Variants in GPD2 observed in about 807,000 individuals in gnomAD.
GPD2 encodes glycerol-3-phosphate dehydrogenase 2.
In GPD2, 54 loss-of-function variants were observed where a neutral mutation model predicts 82.4. The observed-to-expected ratio is 0.66, with a 90% CI of 0.53 to 0.82. The LOEUF (loss-of-function observed/expected upper bound fraction) is 0.82. Ranked by LOEUF, GPD2 falls within the 40% of genes least tolerant of loss-of-function variation. The probability of loss-of-function intolerance (pLI) is 0.00; values close to 1 mark genes in which losing one functional copy is unlikely to be tolerated. For missense variants in GPD2, 748 were observed against 896.2 expected (o/e 0.83, Z 2.11); for synonymous variants, 288 against 306.1 (o/e 0.94, Z 0.62).
intron 1 of GPD2, among the ~76,000 whole-genome samples, chr2:156,451,530 A>C (rs1396331994): frequency 3.8e-4 from 23 of 60,032 alleles, no homozygotes; most frequent in African/African-American, 4.5e-4. Context: ...TGACCCCCCC[A>C]CCTCCCTCCC....
the GPD2 span, among the ~76,000 whole-genome samples, chr2:156,422,756 A>C: frequency 0.022 from 3,379 of 152,078 alleles, 70 homozygotes; most frequent in Non-Finnish European, 0.032. Context: ...AACAAACAAA[A>C]AAAAACTATG....
intron 6 of GPD2, among the ~76,000 whole-genome samples, chr2:156,534,307 A>G (rs543995908): frequency 5.0e-4 from 76 of 152,204 alleles, no homozygotes; most frequent in Admixed American, 2.1e-3. Context: ...TTATCTGCTC[A>G]TCTGCTCGAG....
At chr2:156,408,763 G>A in the GPD2 span, among the ~76,000 whole-genome samples, 2 of 151,170 alleles carry the variant, frequency 1.3e-5, no homozygotes, top group African/African-American at 4.9e-5. Context: ...GCCAGCTCCT[G>A]AAGGATCTTG....
At chr2:156,433,003 T>G (rs1046838047), upstream of GPD2, among the ~76,000 whole-genome samples, 4 of 152,172 alleles carry the variant, frequency 2.6e-5, no homozygotes, top group Non-Finnish European at 5.9e-5. Flanking sequence ...AGGAATCACG[T>G]CCAGTGCTCC....
chr2:156,552,014 A>G (rs1294973295), intron 8 of GPD2, among the ~76,000 whole-genome samples: 4 of 152,330 alleles, frequency 2.6e-5, no homozygotes, highest in African/African-American at 9.6e-5. Context: ...CTAGAATGCT[A>G]TCCTGCTATG....
At position 156,582,929 on chromosome 2, in the gene GPD2, T is replaced by C. The variant is rs1688082660; in HGVS notation, c.*11T>C. ...TGTGGAGGATTGTGAGTCTGGGCAG[T>C]AAATCCACAGCCAACAAACATAGAA... On this transcript the variant is annotated 3_prime_UTR_variant, in exon 17 of 17. Coordinates refer to ENST00000438166, the MANE Select transcript of GPD2 (RefSeq NM_000408.5). 1.2e-6 allele frequency: 2 copies of C among 1,611,814 alleles called. No homozygotes were observed. Among genetic ancestry groups the C allele is most frequent in the Admixed American group, 1.7e-5 (1 of 59,874 alleles).
At chr2:156,477,400 T>G (rs1276381311) in intron 2 of GPD2, among the ~76,000 whole-genome samples, 6 of 152,108 alleles carry the variant, frequency 3.9e-5, no homozygotes, top group African/African-American at 1.4e-4. Context: ...CCACTGTACT[T>G]CAGCCTGGGT....
At chr2:156,545,196 C>T (rs928397022) in intron 6 of GPD2, among the ~76,000 whole-genome samples, 11 of 152,076 alleles carry the variant, frequency 7.2e-5, no homozygotes, top group Admixed American at 7.2e-4. Flanking sequence ...TGAATATTTC[C>T]AATCAGAAAG....
Position 156,561,040 on chromosome 2 carries a change from C to CTTTT in GPD2, c.1165+3480_1165+3483dup, listed in dbSNP as rs35948070. 5.7e-3 allele frequency among the ~76,000 whole-genome samples: 157 copies of CTTTT among 27,620 alleles called. 30 individuals carry two copies. Among genetic ancestry groups the CTTTT allele is most frequent in the African/African-American group, 0.017 (119 of 7,090 alleles). 18.1% of individuals were successfully genotyped at this position (27,620 alleles called of 152,430 possible). A position where few individuals can be genotyped will look rare whatever the true frequency, so the allele number is the denominator to read the frequency against. On this transcript the variant is annotated intron_variant, in intron 9 of 16. Transcript: ENST00000438166. ...GAAACTGAGGCCCAGTGACATTAAG[C>CTTTT]TTTTTTTTTTTTTTTTTTTTTTTTT...
the GPD2 span, among the ~76,000 whole-genome samples, chr2:156,420,722 G>T: frequency 6.6e-6 from 1 of 152,110 alleles, no homozygotes; most frequent in African/African-American, 2.4e-5. Flanking sequence ...ATTGAAAATA[G>T]AAATTGATAT....
intron 9 of GPD2, 121 bp downstream of exon 9, chr2:156,557,703 C>A: frequency 1.4e-6 from 1 of 726,364 alleles, no homozygotes; most frequent in South Asian, 1.5e-5. Flanking sequence ...CCTCTTGTGC[C>A]TCTTAGAACA....
Position 156,553,467 on chromosome 2 carries a change from A to C in GPD2, c.971+2721A>C, listed in dbSNP as rs191943990. ...TATGAAAATAAAACATGATTCTTCA[A>C]CTTACTGCCCAGCTAACCCCTGTAG... On this transcript the variant is annotated intron_variant, in intron 8 of 16. Transcript: ENST00000438166. Among the ~76,000 whole-genome samples the C allele has an allele frequency of 4.1e-4, 63 of 152,324 alleles. No homozygotes were observed. The East Asian group carries it at 0.01, about 24-fold the overall frequency.
rs761600581 is a variant in GPD2 at position 156,496,195 on chromosome 2, C to A, written c.254C>A (p.Ala85Glu). 1.2e-6 allele frequency: 2 copies of A among 1,609,936 alleles called. No homozygotes were observed. Among genetic ancestry groups the A allele is most frequent in the South Asian group, 2.2e-5 (2 of 91,006 alleles). ...IGGGATGSGC[A>E]LDAVTRGLKT... ...GGAGGAGCAACAGGAAGTGGCTGTGCGCTAGATGCTGTCACCAGAGGTAAG... is the reference window on the plus strand; with the variant it reads ...GGAGGAGCAACAGGAAGTGGCTGTGAGCTAGATGCTGTCACCAGAGGTAAG... Residue 85 changes from alanine to glutamate, a missense_variant, in exon 3 of 17, where the codon GCG becomes GAG. By Grantham distance (107) the Ala-to-Glu change is moderately radical (BLOSUM62 -1). Transcript: ENST00000438166.
At chr2:156,570,996 T>C in intron 12 of GPD2, 138 bp from the exon 13 acceptor site, 2 of 698,130 alleles carry the variant, frequency 2.9e-6, no homozygotes, top group East Asian at 2.7e-5. Flanking sequence ...ATTTGTCTCA[T>C]GCCTGCTGGA....
intron 6 of GPD2, among the ~76,000 whole-genome samples, chr2:156,540,985 T>A (rs1483078502): frequency 6.6e-6 from 1 of 152,258 alleles, no homozygotes; most frequent in Non-Finnish European, 1.5e-5. Context: ...AATAACCACA[T>A]CTTGTCGTTA....
At chr2:156,547,372 T>G (rs182303705) in intron 6 of GPD2, among the ~76,000 whole-genome samples, 1 of 152,334 alleles carries the variant, frequency 6.6e-6, no homozygotes, top group Non-Finnish European at 1.5e-5. Context: ...GAGAGGTTTC[T>G]CAGAACTTCC....
upstream of GPD2, among the ~76,000 whole-genome samples, chr2:156,432,761 G>A (rs1688331741): frequency 6.6e-6 from 1 of 152,226 alleles, no homozygotes; most frequent in African/African-American, 2.4e-5. Context: ...GTTGAGATTA[G>A]ATGTGTGTGT....
intron 9 of GPD2, among the ~76,000 whole-genome samples, chr2:156,561,363 G>A (rs1444574247): frequency 6.6e-6 from 1 of 151,984 alleles, no homozygotes; most frequent in Non-Finnish European, 1.5e-5. Context: ...TTTGCCTATA[G>A]CTAGTTAGTA....
chr2:156,400,844 C>T, the GPD2 span, among the ~76,000 whole-genome samples: 4 of 152,194 alleles, frequency 2.6e-5, no homozygotes, highest in East Asian at 1.9e-4. Flanking sequence ...ATCTCCAAAT[C>T]AGCCGACGTT....
Sources: allele counts gnomAD v4.1 joint callset (sites outside exome capture counted in the v4.1 genomes callset), GRCh38; gene constraint gnomAD v4.1.1; transcripts MANE v1.5; gene names NCBI Gene and HGNC (gene_info 2026-07-23, HGNC 2026-07-21).